SYNE2: variants seen among roughly 807,000 people sequenced by gnomAD.
The protein encoded by SYNE2 is spectrin repeat containing nuclear envelope protein 2, also known as nesprin-2.
A neutral mutation model predicts 856.3 loss-of-function variants in SYNE2; 431 were observed. The observed-to-expected ratio is 0.50, with a 90% CI of 0.47 to 0.55. The LOEUF is 0.55. Ranked by LOEUF, SYNE2 falls within the 20% of genes least tolerant of loss-of-function variation. The probability of loss-of-function intolerance (pLI) is 0.00; values close to 1 mark genes in which losing one functional copy is unlikely to be tolerated. For missense variants in SYNE2, 8,129 were observed against 8,023.2 expected, an observed-to-expected ratio of 1.01 and a Z score of -0.50; for synonymous variants, 2,923 against 2,872.3, an observed-to-expected ratio of 1.02 and a Z score of -0.56.
intron 84 of SYNE2, among the ~76,000 whole-genome samples, chr14:64,150,006 T>C (rs1461997968): frequency 5.3e-5 from 7 of 132,888 alleles, no homozygotes; most frequent in Non-Finnish European, 1.1e-4. Context: ...TTTTTTCTTT[T>C]CTTTTTTTTT....
intron 109 of SYNE2, 84 bp from the exon 110 acceptor site, chr14:64,219,124 T>TTTTTTTTTTAA: frequency 1.2e-6 from 1 of 845,414 alleles, no homozygotes; most frequent in Non-Finnish European, 1.8e-6. Flanking sequence ...TTTTTTTTTT[T>TTTTTTTTTTAA]AACCACCCTG....
At chr14:64,207,265 T>A (rs1415031111) in intron 100 of SYNE2, among the ~76,000 whole-genome samples, 2 of 152,176 alleles carry the variant, frequency 1.3e-5, no homozygotes, top group Non-Finnish European at 2.9e-5. Context: ...GAATTGTGTA[T>A]TTATATGAAG....
intron 61 of SYNE2, among the ~76,000 whole-genome samples, chr14:64,096,634 C>A (rs1417861345): frequency 6.6e-6 from 1 of 152,168 alleles, no homozygotes; most frequent in Non-Finnish European, 1.5e-5. Flanking sequence ...CAAAAGCAAT[C>A]ACAGAAATTT....
chr14:63,905,373 T>C (rs1362093913), intron 1 of SYNE2, among the ~76,000 whole-genome samples: 2 of 152,116 alleles, frequency 1.3e-5, no homozygotes, highest in Non-Finnish European at 2.9e-5. Flanking sequence ...AGCAATGGCA[T>C]TGAATTTGTA....
At chr14:63,971,740 A>G (rs1467849884) in intron 11 of SYNE2, among the ~76,000 whole-genome samples, 1 of 151,962 alleles carries the variant, frequency 6.6e-6, no homozygotes, top group African/African-American at 2.4e-5. Flanking sequence ...ACTTCCTTTC[A>G]CTTACTTTAC....
intron 25 of SYNE2, 38 bp downstream of exon 25, chr14:63,997,429 A>C: frequency 6.8e-7 from 1 of 1,472,294 alleles, no homozygotes; most frequent in Non-Finnish European, 9.4e-7. Flanking sequence ...AAGTAAACCC[A>C]AAGTAAAAGA....
At chr14:63,923,475 C>T (rs1216467764) in intron 2 of SYNE2, among the ~76,000 whole-genome samples, 1 of 152,206 alleles carries the variant, frequency 6.6e-6, no homozygotes, top group Non-Finnish European at 1.5e-5. Context: ...ATAACAAACT[C>T]CTGCTCCCTC....
intron 1 of SYNE2, among the ~76,000 whole-genome samples, chr14:63,841,517 C>T (rs1454903586): frequency 3.3e-5 from 5 of 152,156 alleles, no homozygotes; most frequent in African/African-American, 9.7e-5. Flanking sequence ...CTTTAGGTAT[C>T]TCCTCAGGGC....
intron 1 of SYNE2, among the ~76,000 whole-genome samples, chr14:63,903,143 AC>A (rs2095361137): frequency 6.6e-6 from 1 of 152,216 alleles, no homozygotes; most frequent in African/African-American, 2.4e-5. Flanking sequence ...CTCACCAAAA[AC>A]AATTGTGTTG....
intron 40 of SYNE2, 26 bp from the exon 41 acceptor site, chr14:64,025,104 C>G (rs765168577): frequency 6.2e-7 from 1 of 1,613,940 alleles, no homozygotes; most frequent in South Asian, 1.1e-5. Flanking sequence ...CTCCTATAAA[C>G]TTTAAGTGGT....
chr14:64,154,120 A>C (rs1032080785), intron 85 of SYNE2, among the ~76,000 whole-genome samples: 1 of 151,878 alleles, frequency 6.6e-6, no homozygotes, highest in African/African-American at 2.4e-5. Context: ...ATTTGAGGCA[A>C]GGAATTCAAG....
intron 1 of SYNE2, among the ~76,000 whole-genome samples, chr14:63,770,829 T>TA (rs779897005): frequency 2.5e-4 from 38 of 151,272 alleles, no homozygotes; most frequent in Non-Finnish European, 3.1e-4. Flanking sequence ...CATTTTTCAA[T>TA]AAAAAAAAAT....
At chr14:63,914,648 G>T (rs1566788542) in intron 2 of SYNE2, among the ~76,000 whole-genome samples, 1 of 152,204 alleles carries the variant, frequency 6.6e-6, no homozygotes, top group African/African-American at 2.4e-5. Context: ...CTTTAAGGTG[G>T]GAGACACTAG....
intron 48 of SYNE2, among the ~76,000 whole-genome samples, chr14:64,055,532 C>A (rs1006587176): frequency 6.6e-6 from 1 of 151,920 alleles, no homozygotes; most frequent in African/African-American, 2.4e-5. Context: ...CCACACCCAA[C>A]TAATTTTTGT....
Position 64,053,166 on chromosome 14 carries a change from C to G in SYNE2, c.9253C>G (p.Gln3085Glu), listed in dbSNP as rs1263979126. The change falls in exon 48 of 116, where the codon CAA (glutamine) becomes GAA (glutamate). Residue 3085 changes from glutamine to glutamate, a missense_variant. By Grantham distance (29) the Gln-to-Glu change is conservative. Coordinates refer to ENST00000555002, the MANE Select transcript of SYNE2 (RefSeq NM_182914.3). ...TCCGGAAAGCAGACGGCTCAATGCC[C>G]AAATTTTAAGTCAGAGAATTGAGAA... ...SSPESRRLNAQILSQRIEKAK... is the reference protein window; with the variant it reads ...SSPESRRLNAEILSQRIEKAK... 1 of 1,613,882 alleles carries G rather than the reference C, an allele frequency of 6.2e-7. No individual in the cohort carries two copies. Among genetic ancestry groups the G allele is most frequent in the Non-Finnish European group, 8.5e-7 (1 of 1,180,004 alleles).
chr14:63,931,043 T>C (rs2095747129), intron 2 of SYNE2, among the ~76,000 whole-genome samples: 1 of 152,158 alleles, frequency 6.6e-6, no homozygotes, highest in South Asian at 2.1e-4. Context: ...GGGTCTGCAC[T>C]AACTCCAGGC....
In SYNE2 at chr14:64,017,668, TAAAA is replaced by T; in HGVS notation, c.4964_4967del (p.Lys1655MetfsTer19). ...GCTTTGTGGGACAAACTTTTTAACT[TAAAA>T]AATGTCATTGATGAGTGGACAGAAA... On this transcript the variant is annotated frameshift_variant, in exon 34 of 116. Coordinates refer to ENST00000555002, the MANE Select transcript of SYNE2 (RefSeq NM_182914.3). LOFTEE classifies it high-confidence loss of function. 1 of 1,613,634 alleles carries T rather than the reference TAAAA, an allele frequency of 6.2e-7. No homozygotes were observed. Among genetic ancestry groups the T allele is most frequent in the Non-Finnish European group, 8.5e-7 (1 of 1,179,730 alleles).
rs1194526772 is a variant in SYNE2 at position 63,909,113 on chromosome 14, G to C, written c.-36G>C. ...TCACTTTCAGTTCACTTCTTCAACT[G>C]AGATGGACATGATATAATCTCCATT... On this transcript the variant is annotated 5_prime_UTR_variant, in exon 2 of 116. Coordinates refer to ENST00000555002, the MANE Select transcript of SYNE2 (RefSeq NM_182914.3). The C allele has an allele frequency of 1.4e-6, 2 of 1,420,314 alleles. No individual in the cohort carries two copies. The highest frequency in any genetic ancestry group is 2.8e-5 in the African/African-American group (2 of 71,134). The allele number at this position is 1,420,314 out of a possible 1,614,324, so 88.0% of individuals were successfully genotyped here.
rs935862283 is a variant in SYNE2, at chr14:63,872,685, C to T, written c.-52+19542C>T. ...TCTGAGGCAGGAGAATCGCTTGAAACCGGGAGGCAGAGGCTGCAGTGGCCT... is the reference window on the plus strand; with the variant it reads ...TCTGAGGCAGGAGAATCGCTTGAAATCGGGAGGCAGAGGCTGCAGTGGCCT... On this transcript the variant is annotated intron_variant, in intron 1 of 115. Coordinates refer to ENST00000555002, the MANE Select transcript of SYNE2 (RefSeq NM_182914.3). 2.8e-5 allele frequency among the ~76,000 whole-genome samples: 4 copies of T among 144,826 alleles called. No individual in the cohort carries two copies. The Admixed American group carries it at 3.0e-4, about 11-fold the overall frequency.
Sources: allele counts gnomAD v4.1 joint callset (sites outside exome capture counted in the v4.1 genomes callset), GRCh38; gene constraint gnomAD v4.1.1; transcripts MANE v1.5; gene names NCBI Gene and HGNC (gene_info 2026-07-23, HGNC 2026-07-21).